CEP112: variants seen among roughly 807,000 people sequenced by gnomAD.
CEP112 encodes centrosomal protein 112.
CEP112 carries 127 observed loss-of-function variants against 153.0 expected under a neutral mutation model. The observed-to-expected ratio is 0.83, with a 90% confidence interval of 0.72 to 0.96. The LOEUF is 0.96. CEP112 is among the 40% of genes least tolerant of loss of function. The pLI is 0.00. For synonymous variants in CEP112, 358 were observed against 374.4 expected (o/e 0.96, Z 0.51); for missense variants, 1,089 against 1,101.2 (o/e 0.99, Z 0.16).
chr17:65,925,055 A>C (rs932525511), intron 19 of CEP112, among the ~76,000 whole-genome samples: 8 of 151,938 alleles, frequency 5.3e-5, no homozygotes, highest in African/African-American at 1.7e-4. Flanking sequence ...CTGTGTCCCC[A>C]CCCAAATCTC....
chr17:65,931,654 T>A (rs2061128083), intron 18 of CEP112, among the ~76,000 whole-genome samples: 2 of 152,196 alleles, frequency 1.3e-5, no homozygotes, highest in Admixed American at 1.3e-4. Context: ...ATAGCATCAC[T>A]GAGCAGGAAG....
intron 18 of CEP112, among the ~76,000 whole-genome samples, chr17:65,929,673 T>C (rs2061055148): frequency 6.6e-6 from 1 of 152,156 alleles, no homozygotes; most frequent in Admixed American, 6.5e-5. Context: ...TGTCACCCCA[T>C]GTTCACTGTC....
chr17:65,883,917 G>GA (rs903831796), intron 20 of CEP112, among the ~76,000 whole-genome samples: 1 of 152,076 alleles, frequency 6.6e-6, no homozygotes, highest in East Asian at 1.9e-4. Flanking sequence ...TAAGAGAAAG[G>GA]AAAAAAATCA....
intron 17 of CEP112, among the ~76,000 whole-genome samples, chr17:65,994,248 G>GCATA (rs2063702233): frequency 6.6e-6 from 1 of 152,110 alleles, no homozygotes; most frequent in Admixed American, 6.5e-5. Flanking sequence ...TTTTTCCCTT[G>GCATA]CATAGTTAGG....
intron 21 of CEP112, among the ~76,000 whole-genome samples, chr17:65,823,345 T>C (rs1263577876): frequency 1.3e-5 from 2 of 152,150 alleles, no homozygotes; most frequent in Non-Finnish European, 2.9e-5. Context: ...TATAGATTAA[T>C]AGAAGAAAAA....
intron 18 of CEP112, among the ~76,000 whole-genome samples, chr17:65,935,995 T>A (rs7222020): frequency 0.41 from 62,817 of 151,746 alleles, 14,359 homozygotes; most frequent in East Asian, 0.87. Context: ...TAAAATTTAC[T>A]AAACATTAGC....
At chr17:65,970,157 G>A (rs559767949) in intron 17 of CEP112, among the ~76,000 whole-genome samples, 3 of 152,072 alleles carry the variant, frequency 2.0e-5, no homozygotes, top group East Asian at 1.9e-4. Context: ...CATGTGTATA[G>A]CAAACATGCA....
At chr17:66,029,526 G>C (rs1213755051) in intron 13 of CEP112, among the ~76,000 whole-genome samples, 1 of 151,878 alleles carries the variant, frequency 6.6e-6, no homozygotes, top group Non-Finnish European at 1.5e-5. Flanking sequence ...GTGAGACCGT[G>C]TCTCTACAAA....
At chr17:66,101,602 T>C (rs991136091) in intron 6 of CEP112, among the ~76,000 whole-genome samples, 1 of 144,748 alleles carries the variant, frequency 6.9e-6, no homozygotes, top group Non-Finnish European at 1.5e-5. Context: ...ATTCTTTTTC[T>C]ACTTGAATAT....
intron 19 of CEP112, 62 bp from the exon 20 acceptor site, chr17:65,902,396 T>C (rs1449180244): frequency 2.0e-5 from 27 of 1,348,296 alleles, no homozygotes; most frequent in Admixed American, 1.8e-4. Context: ...TGACAACTCA[T>C]GTACAGCTTA....
chr17:65,655,559 C>T (rs990517396), intron 24 of CEP112, among the ~76,000 whole-genome samples: 3 of 152,112 alleles, frequency 2.0e-5, no homozygotes, highest in Admixed American at 6.6e-5. Context: ...TTGTAACTGT[C>T]CTTTATAATT....
intron 16 of CEP112, among the ~76,000 whole-genome samples, chr17:66,022,711 G>GGAA (rs60618756): frequency 0.67 from 84,640 of 126,904 alleles, 30,614 homozygotes; most frequent in East Asian, 0.82. Flanking sequence ...TCCGCCTCAA[G>GGAA]AAAAAAAAAA....
chr17:65,977,618 C>A (rs1037864501), intron 17 of CEP112, among the ~76,000 whole-genome samples: 2 of 152,106 alleles, frequency 1.3e-5, no homozygotes, highest in Non-Finnish European at 2.9e-5. Flanking sequence ...GAGCTGTGGG[C>A]AGGGCAGATT....
chr17:66,047,270 C>A (rs944193653), intron 12 of CEP112, among the ~76,000 whole-genome samples: 7 of 152,094 alleles, frequency 4.6e-5, no homozygotes, highest in Admixed American at 1.3e-4. Flanking sequence ...GCACACGCCA[C>A]CATGCCCGGC....
intron 8 of CEP112, among the ~76,000 whole-genome samples, chr17:66,093,466 T>C (rs986747416): frequency 2.6e-5 from 4 of 151,780 alleles, no homozygotes; most frequent in Non-Finnish European, 5.9e-5. Flanking sequence ...CTGGAACTAA[T>C]AAATGAATTC....
At chr17:65,691,085 G>A (rs1468823475) in intron 23 of CEP112, among the ~76,000 whole-genome samples, 3 of 152,116 alleles carry the variant, frequency 2.0e-5, no homozygotes, top group Admixed American at 6.5e-5. Flanking sequence ...TGGAAGCAGA[G>A]AGAGGAAAAA....
At chr17:66,109,964 T>A (rs185275015) in intron 6 of CEP112, among the ~76,000 whole-genome samples, 122 of 152,206 alleles carry the variant, frequency 8.0e-4, no homozygotes, top group Non-Finnish European at 1.0e-3. Context: ...ATCGTGACCA[T>A]CCTGGCTAAC....
At chr17:65,761,958 T>C (rs1208136198) in intron 21 of CEP112, among the ~76,000 whole-genome samples, 1 of 152,156 alleles carries the variant, frequency 6.6e-6, no homozygotes, top group African/African-American at 2.4e-5. Context: ...TTTTTCTGCC[T>C]GCTGGATCTG....
intron 20 of CEP112, among the ~76,000 whole-genome samples, chr17:65,870,649 T>C (rs1354337942): frequency 2.6e-5 from 4 of 152,244 alleles, no homozygotes; most frequent in East Asian, 1.9e-4. Context: ...AGAAAATCAG[T>C]ATTAAAAAGC....
Sources: gnomAD v4.1 joint callset for allele counts (sites outside exome capture counted in the v4.1 genomes callset) on GRCh38, gnomAD v4.1.1 for gene constraint, MANE v1.5 for transcripts, NCBI Gene and HGNC (gene_info 2026-07-23, HGNC 2026-07-21) for gene names.